The following CHP1 variants were observed in gnomAD, a reference collection of about 807,000 sequenced individuals.
CHP1 encodes calcineurin like EF-hand protein 1, also known as calcineurin B homologous protein 1.
Under a neutral mutation model 27.4 loss-of-function variants are expected in CHP1, and 11 were observed. The ratio of observed to expected loss-of-function variants is 0.40; its 90% CI spans 0.25 to 0.67. The LOEUF (loss-of-function observed/expected upper bound fraction) is 0.67. CHP1 is among the 30% of genes least tolerant of loss of function. CHP1 has a pLI of 0.38. For missense variants in CHP1, 169 were observed against 251.3 expected (o/e 0.67, Z 2.22); for synonymous variants, 89 against 87.4 (o/e 1.02, Z -0.10).
intron 1 of CHP1, among the ~76,000 whole-genome samples, chr15:41,238,068 A>G (rs1270840840): frequency 6.6e-6 from 1 of 151,936 alleles, no homozygotes; most frequent in Non-Finnish European, 1.5e-5. Context: ...TCTGCTTCGC[A>G]CTTCTGTGAA....
At chr15:41,265,737 T>C (rs1455704406) in intron 4 of CHP1, among the ~76,000 whole-genome samples, 1 of 151,850 alleles carries the variant, frequency 6.6e-6, no homozygotes, top group Non-Finnish European at 1.5e-5. Flanking sequence ...AATGTGGGTT[T>C]ACAGAGGAGT....
Position 41,245,319 on chromosome 15 carries a change from GGCGTGGTGGTGGGCGCCTGT to G in CHP1, c.140+1601_140+1620del, listed in dbSNP as rs371367907. On this transcript the variant is annotated intron_variant, in intron 2 of 6. Coordinates refer to ENST00000334660, the MANE Select transcript of CHP1 (RefSeq NM_007236.5). ...CTATTAAAAATACAAAAATTAGCGT[GGCGTGGTGGTGGGCGCCTGT>G]GCGTGGTGGTGGGCGCCTGTAATCC... Among the ~76,000 whole-genome samples, 781 of 152,132 alleles carry G rather than the reference GGCGTGGTGGTGGGCGCCTGT, an allele frequency of 5.1e-3. 9 individuals carry two copies. Among genetic ancestry groups the G allele is most frequent in the African/African-American group, 0.018 (751 of 41,502 alleles).
chr15:41,260,394 C>CTTTTTT (rs34417644), intron 3 of CHP1, among the ~76,000 whole-genome samples: 1 of 124,554 alleles, frequency 8.0e-6, no homozygotes, highest in Non-Finnish European at 1.7e-5. Flanking sequence ...TCTTTCAAAA[C>CTTTTTT]TTTTTTTTTT....
In CHP1 at chr15:41,274,108, C is replaced by A. The variant is rs562741737; in HGVS notation, c.411+3490C>A. Among the ~76,000 whole-genome samples the A allele has an allele frequency of 3.7e-3, 565 of 152,040 alleles. 2 individuals are homozygous for A. The highest frequency in any genetic ancestry group is 7.1e-3 in the South Asian group (34 of 4,812). ...CCTGAGTAGCTGGGACTATAGGCAC[C>A]TGCCACCACGCCTGGCTAATTTTTG... is the stretch of plus-strand genomic sequence containing the variant. On this transcript the variant is annotated intron_variant, in intron 5 of 6. Transcript: ENST00000334660.
At chr15:41,239,048 A>G (rs931496709) in intron 1 of CHP1, among the ~76,000 whole-genome samples, 2 of 152,118 alleles carry the variant, frequency 1.3e-5, no homozygotes, top group Non-Finnish European at 2.9e-5. Flanking sequence ...CTTTCTACAC[A>G]TGGATGGTGT....
At chr15:41,265,363 C>CAA (rs544658200) in intron 4 of CHP1, among the ~76,000 whole-genome samples, 414 of 36,926 alleles carry the variant, frequency 0.011, 37 homozygotes, top group Non-Finnish European at 0.014. Context: ...GACTCTGTCT[C>CAA]AAAAAAAAAA....
At chr15:41,260,893 C>T (rs1417867974) in intron 3 of CHP1, among the ~76,000 whole-genome samples, 3 of 151,586 alleles carry the variant, frequency 2.0e-5, no homozygotes, top group African/African-American at 7.3e-5. Flanking sequence ...AAAATGCATT[C>T]ATATATATAT....
intron 4 of CHP1, among the ~76,000 whole-genome samples, chr15:41,266,082 G>A (rs985535864): frequency 6.6e-6 from 1 of 151,928 alleles, no homozygotes; most frequent in African/African-American, 2.4e-5. Flanking sequence ...TCAGGAGTTC[G>A]AGACCAGCCT....
intron 4 of CHP1, among the ~76,000 whole-genome samples, chr15:41,269,906 A>G (rs1398753972): frequency 1.3e-5 from 2 of 152,318 alleles, no homozygotes; most frequent in East Asian, 1.9e-4. Context: ...GTAGCCCTTC[A>G]GCAACATGGC....
At chr15:41,274,380 C>A (rs1187336756) in intron 5 of CHP1, among the ~76,000 whole-genome samples, 1 of 152,198 alleles carries the variant, frequency 6.6e-6, no homozygotes, top group African/African-American at 2.4e-5. Flanking sequence ...GTCAAGCCAC[C>A]TCTGGGCTGT....
intron 2 of CHP1, among the ~76,000 whole-genome samples, chr15:41,250,861 C>T (rs8036602): frequency 0.5 from 75,614 of 150,012 alleles, 20,604 homozygotes; most frequent in African/African-American, 0.72. Context: ...GACAGAGTCT[C>T]GCTCTGTCAC....
chr15:41,278,802 T>G lies in CHP1; in HGVS notation c.447T>G (p.Asp149Glu), dbSNP rs2047531873. Residue 149 changes from aspartate (D) to glutamate (E), a missense_variant, in exon 6 of 7, where the codon GAT (aspartate) becomes GAG (glutamate). Asp to Glu is a conservative substitution (Grantham distance 45). Transcript: ENST00000334660. ...TGATGGTCGGAGTAAATATCTCAGA[T>G]GAGCAGCTGGGCAGCATCGCAGACA... ...LRMMVGVNIS[D>E]EQLGSIADRT... 1 of 1,614,064 alleles carries G rather than the reference T, an allele frequency of 6.2e-7. No homozygotes were observed. Among genetic ancestry groups the G allele is most frequent in the Non-Finnish European group, 8.5e-7 (1 of 1,180,028 alleles).
chr15:41,242,297 A>C (rs771198793), intron 1 of CHP1, among the ~76,000 whole-genome samples: 1 of 152,192 alleles, frequency 6.6e-6, no homozygotes, highest in Non-Finnish European at 1.5e-5. Context: ...TGCTTGGTGT[A>C]GGAGTAAACC....
chr15:41,272,129 C>T (rs938263571), intron 5 of CHP1: 1 of 152,096 alleles, frequency 6.6e-6, no homozygotes, highest in Non-Finnish European at 1.5e-5. Context: ...TATGTTAAAC[C>T]TTATCCAATT....
At chr15:41,254,440 C>G (rs1387477223) in intron 2 of CHP1, among the ~76,000 whole-genome samples, 1 of 152,202 alleles carries the variant, frequency 6.6e-6, no homozygotes, top group East Asian at 1.9e-4. Context: ...ACAGGAGGAG[C>G]TACATTTTGA....
chr15:41,256,991 G>A lies in CHP1; in HGVS notation c.221+1G>A, dbSNP rs776206381. 8.7e-6 allele frequency: 14 copies of A among 1,612,348 alleles called. No homozygotes were observed. Among genetic ancestry groups the A allele is most frequent in the Non-Finnish European group, 1.1e-5 (13 of 1,178,530 alleles). ...TCATCAATGCCTTCTTTCCAGAGGG[G>A]TGAGTCAGTACAGTTGTTGGACTTC... On this transcript the variant is annotated splice_donor_variant, in intron 3 of 6. Coordinates refer to ENST00000334660, the MANE Select transcript of CHP1 (RefSeq NM_007236.5). LOFTEE classifies it high-confidence loss of function.
At chr15:41,241,277 G>A (rs1465171826) in intron 1 of CHP1, among the ~76,000 whole-genome samples, 1 of 152,266 alleles carries the variant, frequency 6.6e-6, no homozygotes, top group African/African-American at 2.4e-5. Context: ...GAAAACGGTT[G>A]TAACTGGCAA....
chr15:41,270,251 A>G (rs2047481741), intron 4 of CHP1, among the ~76,000 whole-genome samples: 1 of 150,906 alleles, frequency 6.6e-6, no homozygotes, highest in Non-Finnish European at 1.5e-5. Context: ...TTACAGAACC[A>G]CGTAAGGAGT....
chr15:41,249,854 C>G (rs980416823), intron 2 of CHP1, among the ~76,000 whole-genome samples: 5 of 145,544 alleles, frequency 3.4e-5, no homozygotes, highest in Non-Finnish European at 7.5e-5. Flanking sequence ...TTTTTACTTT[C>G]CTCTTTCAAG....
Sources: gnomAD v4.1 joint callset for allele counts (sites outside exome capture counted in the v4.1 genomes callset) on GRCh38, gnomAD v4.1.1 for gene constraint, MANE v1.5 for transcripts, NCBI Gene and HGNC (gene_info 2026-07-23, HGNC 2026-07-21) for gene names.